The following TMCO4 variants were observed in gnomAD, a reference collection of about 807,000 sequenced individuals.
TMCO4 encodes transmembrane and coiled-coil domain-containing protein 4.
In TMCO4, 58 loss-of-function variants were observed where a neutral mutation model predicts 64.7. That is an observed-to-expected ratio of 0.90 (90% CI 0.73 to 1.12). The LOEUF is 1.12. Among genes scored for constraint, TMCO4 ranks in the 50% most tolerant of loss-of-function variants. The probability of loss-of-function intolerance (pLI) is 0.00; values close to 1 mark genes in which losing one functional copy is unlikely to be tolerated. For missense variants in TMCO4, 780 were observed against 825.9 expected (o/e 0.94, Z 0.68); for synonymous variants, 325 against 346.1 (o/e 0.94, Z 0.68).
At chr1:19,796,988 C>A (rs374466778) in intron 2 of TMCO4, among the ~76,000 whole-genome samples, 10 of 152,166 alleles carry the variant, frequency 6.6e-5, no homozygotes, top group African/African-American at 2.4e-4. Flanking sequence ...GGTCACAATC[C>A]CTGATACATC....
At chr1:19,784,845 T>A (rs1425427844) in intron 3 of TMCO4, among the ~76,000 whole-genome samples, 38 of 97,838 alleles carry the variant, frequency 3.9e-4, no homozygotes, top group African/African-American at 4.9e-4. Context: ...GCTGATGCAC[T>A]AAAAAAAAAA....
chr1:19,792,102 C>A (rs1299764450), intron 2 of TMCO4, among the ~76,000 whole-genome samples: 1 of 152,226 alleles, frequency 6.6e-6, no homozygotes, highest in African/African-American at 2.4e-5. Flanking sequence ...TCACACGGAA[C>A]TATGCGTCCA....
intron 11 of TMCO4, 57 bp from the exon 12 acceptor site, chr1:19,740,017 G>A: frequency 6.5e-7 from 1 of 1,542,650 alleles, no homozygotes; most frequent in Non-Finnish European, 8.8e-7. Flanking sequence ...TCCTACTAGG[G>A]AAGTGACTGG....
intron 13 of TMCO4, among the ~76,000 whole-genome samples, chr1:19,719,607 C>T (rs1570748588): frequency 6.6e-6 from 1 of 152,072 alleles, no homozygotes; most frequent in Admixed American, 6.6e-5. Context: ...TAGCCTGCTG[C>T]AACCTTGAGC....
At position 19,696,047 on chromosome 1, in the gene TMCO4, G is replaced by A. The variant is rs953433262; in HGVS notation, c.1383-1496C>T. Among the ~76,000 whole-genome samples the A allele has an allele frequency of 5.9e-5, 9 of 152,022 alleles. No homozygotes were observed. In the South Asian group the frequency reaches 6.2e-4, roughly 11 times the overall value. On this transcript the variant is annotated intron_variant, in intron 14 of 15. Transcript: ENST00000294543. Reference sequence around the variant, plus strand: ...GGATGAATGCGACGGCCTCTGCACCGCACTCCCTGCTCCTGGCCTCACCTA... The same window carrying A: ...GGATGAATGCGACGGCCTCTGCACCACACTCCCTGCTCCTGGCCTCACCTA...
chr1:19,791,002 T>C (rs900661965), intron 2 of TMCO4, among the ~76,000 whole-genome samples: 1 of 152,208 alleles, frequency 6.6e-6, no homozygotes, highest in Non-Finnish European at 1.5e-5. Flanking sequence ...GATCATATCC[T>C]TTGCAGGGAT....
intron 13 of TMCO4, among the ~76,000 whole-genome samples, chr1:19,717,996 G>A (rs1161405576): frequency 6.6e-6 from 1 of 152,138 alleles, no homozygotes; most frequent in African/African-American, 2.4e-5. Flanking sequence ...TGCCCTTGGA[G>A]AAGTCACCTA....
chr1:19,712,535 G>A (rs556526186), intron 13 of TMCO4, among the ~76,000 whole-genome samples: 145 of 151,372 alleles, frequency 9.6e-4, no homozygotes, highest in African/African-American at 3.4e-3. Context: ...CAGGAGAATC[G>A]CTTGAACCTG....
chr1:19,690,863 ACT>A (rs201357537), intron 15 of TMCO4, among the ~76,000 whole-genome samples: 6,256 of 108,266 alleles, frequency 0.058, 138 homozygotes, highest in Middle Eastern at 0.1. Flanking sequence ...ATCTGTGAAG[ACT>A]CTTTTTTTTT....
At chr1:19,685,987 A>C (rs935249820) in intron 15 of TMCO4, among the ~76,000 whole-genome samples, 8 of 152,014 alleles carry the variant, frequency 5.3e-5, no homozygotes, top group African/African-American at 1.9e-4. Context: ...TCGGCCTCCC[A>C]AAGTGCTGGG....
intron 15 of TMCO4, among the ~76,000 whole-genome samples, chr1:19,688,859 A>C (rs1190038592): frequency 6.6e-6 from 1 of 152,176 alleles, no homozygotes; most frequent in Non-Finnish European, 1.5e-5. Flanking sequence ...GTTCTAGGCC[A>C]CCTGGCATTT....
At chr1:19,735,481 A>C (rs1187183096) in intron 13 of TMCO4, among the ~76,000 whole-genome samples, 1 of 152,182 alleles carries the variant, frequency 6.6e-6, no homozygotes, top group Non-Finnish European at 1.5e-5. Flanking sequence ...AGATGCTGGA[A>C]GGAAGCTGCT....
intron 13 of TMCO4, among the ~76,000 whole-genome samples, chr1:19,709,850 G>T (rs933684928): frequency 6.7e-6 from 1 of 148,172 alleles, no homozygotes. Context: ...GTGCAATGGC[G>T]TGGTCTCAGT....
At chr1:19,746,412 T>C in intron 9 of TMCO4, 44 bp downstream of exon 9, 1 of 1,609,972 alleles carries the variant, frequency 6.2e-7, no homozygotes, top group Non-Finnish European at 8.5e-7. Flanking sequence ...TGGGCCACCC[T>C]GGCTGAAAAT....
rs1175583384 is a variant in TMCO4, at chr1:19,700,833, T to A, written c.1317A>T (p.Gly439=). The change falls in exon 14 of 16, where the codon GGA becomes GGT. Residue 439 remains glycine, a synonymous_variant. Coordinates refer to ENST00000294543, the MANE Select transcript of TMCO4 (RefSeq NM_181719.7). ...DVILLGAPVE[G]EAKHWEPFRK... ...GGAAAGGCTCCCAATGCTTGGCTTC[T>A]CCCTCCACAGGCGCACCCAGCAGGA... 1 of 1,614,192 alleles carries A rather than the reference T, an allele frequency of 6.2e-7. No homozygotes were observed. Among genetic ancestry groups the A allele is most frequent in the South Asian group, 1.1e-5 (1 of 91,088 alleles).
intron 6 of TMCO4, among the ~76,000 whole-genome samples, chr1:19,761,595 A>G (rs1393981686): frequency 6.6e-6 from 1 of 152,266 alleles, no homozygotes; most frequent in African/African-American, 2.4e-5. Context: ...CAACAGGGTC[A>G]TGTGGAGACT....
intron 13 of TMCO4, among the ~76,000 whole-genome samples, chr1:19,718,238 G>A (rs2095365663): frequency 6.6e-6 from 1 of 152,084 alleles, no homozygotes; most frequent in African/African-American, 2.4e-5. Context: ...GAGAGGCTGA[G>A]GCAGGAGAAT....
chr1:19,689,439 G>T (rs919587571), intron 15 of TMCO4, among the ~76,000 whole-genome samples: 3 of 152,194 alleles, frequency 2.0e-5, no homozygotes, highest in Admixed American at 6.5e-5. Context: ...GAGGGACTAG[G>T]ATTAAAGGAG....
chr1:19,764,475 A>G (rs1347325986), intron 6 of TMCO4, among the ~76,000 whole-genome samples: 2 of 152,236 alleles, frequency 1.3e-5, no homozygotes, highest in African/African-American at 2.4e-5. Flanking sequence ...AGTGCCTCAC[A>G]CGGGGCCGGG....
Sources: allele counts gnomAD v4.1 joint callset (sites outside exome capture counted in the v4.1 genomes callset), GRCh38; gene constraint gnomAD v4.1.1; transcripts MANE v1.5; gene names NCBI Gene and HGNC (gene_info 2026-07-23, HGNC 2026-07-21).